The following GHR variants were observed in gnomAD, a reference collection of about 807,000 sequenced individuals.
The protein encoded by GHR is GH receptor.
In GHR, 35 loss-of-function variants were observed where a neutral mutation model predicts 67.1. The ratio of observed to expected loss-of-function variants is 0.52; its 90% confidence interval spans 0.40 to 0.69. The LOEUF is 0.69. Ranked by LOEUF, GHR falls within the 30% of genes least tolerant of loss-of-function variation. GHR has a pLI of 0.00. For synonymous variants in GHR, 272 were observed against 269.1 expected (o/e 1.01, Z -0.10); for missense variants, 792 against 764.6 (o/e 1.04, Z -0.42).
chr5:42,703,384 G>A (rs10077296), intron 6 of GHR, among the ~76,000 whole-genome samples: 99,537 of 151,742 alleles, frequency 0.66, 33,791 homozygotes, highest in East Asian at 0.84. Flanking sequence ...ATTTATTTCC[G>A]AACACTTTAT....
rs1378599615 is a variant in GHR at position 42,534,124 on chromosome 5, A to AAG, written c.-11-31740_-11-31739insAG. On this transcript the variant is annotated intron_variant, in intron 1 of 9. Coordinates refer to ENST00000230882, the MANE Select transcript of GHR (RefSeq NM_000163.5). ...TATGTACGTATGTATATATGTATGT[A>AAG]TATATATGTACATATGTATATATGT... Among the ~76,000 whole-genome samples the AAG allele has an allele frequency of 6.1e-3, 855 of 139,442 alleles. 3 individuals are homozygous for AAG. The highest frequency in any genetic ancestry group is 0.023 in the African/African-American group (810 of 34,506). The allele number at this position is 139,442 out of a possible 152,430, so 91.5% of individuals were successfully genotyped here. A position where few individuals can be genotyped will look rare whatever the true frequency, so the allele number is the denominator to read the frequency against.
At chr5:42,551,317 C>T (rs1446980977) in intron 1 of GHR, among the ~76,000 whole-genome samples, 2 of 152,136 alleles carry the variant, frequency 1.3e-5, no homozygotes, top group Non-Finnish European at 2.9e-5. Flanking sequence ...AATGTAGGCA[C>T]AGAGGAGTTA....
intron 3 of GHR, among the ~76,000 whole-genome samples, chr5:42,682,038 G>A (rs1756908356): frequency 6.6e-6 from 1 of 151,522 alleles, no homozygotes; most frequent in African/African-American, 2.4e-5. Context: ...ATCAGTGATA[G>A]ACTGGATAAA....
At chr5:42,663,729 T>C (rs1755793021) in intron 3 of GHR, among the ~76,000 whole-genome samples, 2 of 152,340 alleles carry the variant, frequency 1.3e-5, no homozygotes, top group Admixed American at 1.3e-4. Flanking sequence ...AACATAGTGT[T>C]GGAAGTTCTG....
intron 1 of GHR, among the ~76,000 whole-genome samples, chr5:42,540,118 G>T (rs1191117577): frequency 6.6e-6 from 1 of 151,618 alleles, no homozygotes; most frequent in Non-Finnish European, 1.5e-5. Flanking sequence ...TGATAGATCT[G>T]CCTGATATTA....
chr5:42,453,688 G>A (rs1744143317), intron 1 of GHR, among the ~76,000 whole-genome samples: 1 of 152,174 alleles, frequency 6.6e-6, no homozygotes, highest in African/African-American at 2.4e-5. Context: ...CTGAATCTGG[G>A]GTTTGCTCCT....
Position 42,456,908 on chromosome 5 carries a change from G to A in GHR, c.-12+32953G>A, listed in dbSNP as rs143897188. ...ACTGCTATGGAAAAGACACCCACCC[G>A]GGGCTAAGAGGGAGGGAGGCGGAAG... is the stretch of plus-strand genomic sequence containing the variant. On this transcript the variant is annotated intron_variant, in intron 1 of 9. Coordinates refer to ENST00000230882, the MANE Select transcript of GHR (RefSeq NM_000163.5). 7.7e-3 allele frequency among the ~76,000 whole-genome samples: 1,171 copies of A among 152,266 alleles called. 15 individuals carry two copies. Among genetic ancestry groups the A allele is most frequent in the African/African-American group, 0.027 (1,119 of 41,546 alleles).
At chr5:42,670,620 A>G (rs1174312996) in intron 3 of GHR, among the ~76,000 whole-genome samples, 15 of 152,120 alleles carry the variant, frequency 9.9e-5, no homozygotes, top group Admixed American at 7.2e-4. Flanking sequence ...CAAATCATAT[A>G]TTAGATAAGG....
intron 3 of GHR, among the ~76,000 whole-genome samples, chr5:42,653,482 G>A (rs1156973705): frequency 6.6e-6 from 1 of 152,084 alleles, no homozygotes; most frequent in Non-Finnish European, 1.5e-5. Context: ...AATCAGAGTA[G>A]AGAAAGTCAT....
chr5:42,440,345 G>A (rs1163723160), intron 1 of GHR, among the ~76,000 whole-genome samples: 1 of 152,070 alleles, frequency 6.6e-6, no homozygotes, highest in Non-Finnish European at 1.5e-5. Flanking sequence ...TTCAAAAATG[G>A]GATATTTGAG....
chr5:42,665,632 A>G (rs982463087), intron 3 of GHR, among the ~76,000 whole-genome samples: 1 of 152,044 alleles, frequency 6.6e-6, no homozygotes, highest in Non-Finnish European at 1.5e-5. Context: ...GCTTTAGGAG[A>G]TATACCTAAT....
chr5:42,443,763 T>G (rs920533616), intron 1 of GHR, among the ~76,000 whole-genome samples: 88 of 152,222 alleles, frequency 5.8e-4, no homozygotes, highest in African/African-American at 2.1e-3. Context: ...GCTGCAGAAT[T>G]TCCCTTTGCT....
At chr5:42,467,042 T>A in intron 1 of GHR, 1 of 1,571,282 alleles carries the variant, frequency 6.4e-7, no homozygotes, top group Non-Finnish European at 8.7e-7. Flanking sequence ...CCACACTCAT[T>A]ACACATGTAA....
At chr5:42,494,673 G>A (rs572618606) in intron 1 of GHR, among the ~76,000 whole-genome samples, 28 of 152,266 alleles carry the variant, frequency 1.8e-4, no homozygotes, top group African/African-American at 6.5e-4. Context: ...AAGAGAGAAA[G>A]TGTACTTCCT....
At chr5:42,579,151 TATAGATAGATAG>T (rs10533483) in intron 2 of GHR, among the ~76,000 whole-genome samples, 1,715 of 88,192 alleles carry the variant, frequency 0.019, 17 homozygotes, top group Admixed American at 0.025. Context: ...GATAGATAGA[TATAGATAGATAG>T]ATAGATAGAT....
intron 1 of GHR, among the ~76,000 whole-genome samples, chr5:42,531,414 T>C (rs1163031111): frequency 6.6e-6 from 1 of 152,006 alleles, no homozygotes; most frequent in Non-Finnish European, 1.5e-5. Flanking sequence ...TTCTCTACAA[T>C]GATTTGAGAC....
chr5:42,518,695 G>A (rs1323142340), intron 1 of GHR, among the ~76,000 whole-genome samples: 6 of 152,134 alleles, frequency 3.9e-5, no homozygotes, highest in South Asian at 4.1e-4. Flanking sequence ...TCTGCCATGA[G>A]CGCACTCGGC....
At chr5:42,471,024 C>T (rs1431454869) in intron 1 of GHR, among the ~76,000 whole-genome samples, 3 of 152,112 alleles carry the variant, frequency 2.0e-5, no homozygotes, top group Admixed American at 6.6e-5. Context: ...TGTGAGAGTA[C>T]AAGTCACTAT....
chr5:42,649,532 T>C (rs1408868518), intron 3 of GHR, among the ~76,000 whole-genome samples: 2 of 152,210 alleles, frequency 1.3e-5, no homozygotes, highest in Non-Finnish European at 2.9e-5. Context: ...GCAAGTCACT[T>C]GATACTTGCA....
Sources: gnomAD v4.1 joint callset for allele counts (sites outside exome capture counted in the v4.1 genomes callset) on GRCh38, gnomAD v4.1.1 for gene constraint, MANE v1.5 for transcripts, NCBI Gene and HGNC (gene_info 2026-07-23, HGNC 2026-07-21) for gene names.